CDH6: variants seen among roughly 807,000 people sequenced by gnomAD.
CDH6 encodes the protein cadherin 6.
A neutral mutation model predicts 78.0 loss-of-function variants in CDH6; 31 were observed. The observed-to-expected ratio is 0.40, with a 90% CI of 0.30 to 0.54. CDH6 has a LOEUF of 0.54. CDH6 is among the 20% of genes least tolerant of loss of function. The probability of loss-of-function intolerance (pLI) is 0.56; values close to 1 mark genes in which losing one functional copy is unlikely to be tolerated. For missense variants in CDH6, 724 were observed against 975.9 expected, an observed-to-expected ratio of 0.74 and a Z score of 3.44; for synonymous variants, 376 against 368.8, an observed-to-expected ratio of 1.02 and a Z score of -0.23.
chr5:31,289,100 G>C (rs910058252), intron 2 of CDH6, among the ~76,000 whole-genome samples: 5 of 152,156 alleles, frequency 3.3e-5, no homozygotes. Flanking sequence ...GTACCCAGTA[G>C]GTGATTTTTC....
At chr5:31,248,138 G>A (rs10472187) in intron 1 of CDH6, among the ~76,000 whole-genome samples, 11,485 of 152,192 alleles carry the variant, frequency 0.075, 830 homozygotes, top group African/African-American at 0.18. Flanking sequence ...ACTCTGGCCA[G>A]GAAAGCTTTC....
At chr5:31,215,339 A>C (rs1740834076) in intron 1 of CDH6, among the ~76,000 whole-genome samples, 1 of 152,194 alleles carries the variant, frequency 6.6e-6, no homozygotes, top group South Asian at 2.1e-4. Context: ...CTGTGAAGGT[A>C]ATAGGTTTAG....
chr5:31,318,363 T>C (rs952058801), intron 11 of CDH6: 19 of 300,362 alleles, frequency 6.3e-5, no homozygotes, highest in African/African-American at 4.0e-4. Flanking sequence ...TGATGACTTT[T>C]CTCTCATCCT....
intron 1 of CDH6, among the ~76,000 whole-genome samples, chr5:31,201,137 T>C (rs1740338803): frequency 6.6e-6 from 1 of 152,174 alleles, no homozygotes; most frequent in South Asian, 2.1e-4. Flanking sequence ...AAATAAAGAA[T>C]ATTATTATTT....
At chr5:31,202,502 TG>T (rs1383500151) in intron 1 of CDH6, among the ~76,000 whole-genome samples, 1 of 151,908 alleles carries the variant, frequency 6.6e-6, no homozygotes, top group Non-Finnish European at 1.5e-5. Context: ...CCAGATATGG[TG>T]GCAGGCACCT....
At chr5:31,216,360 T>C (rs557472109) in intron 1 of CDH6, among the ~76,000 whole-genome samples, 1 of 152,226 alleles carries the variant, frequency 6.6e-6, no homozygotes, top group East Asian at 1.9e-4. Context: ...GCCTGCAGGC[T>C]GAAAATGGTT....
Position 31,329,113 on chromosome 5 carries a change from TATG to T in CDH6, c.*5808_*5810del, listed in dbSNP as rs1398030627. 1.3e-4 allele frequency: 26 copies of T among 194,240 alleles called. No homozygotes were observed. The highest frequency in any genetic ancestry group is 5.6e-4 in the African/African-American group (24 of 43,122). The allele number at this position is 194,240 out of a possible 1,614,324, so 12.0% of individuals were successfully genotyped here. On this transcript the variant is annotated 3_prime_UTR_variant, in exon 12 of 12. Transcript: ENST00000265071. ...ATCAATTTTTGTAACAAGTTATTTA[TATG>T]ATATTACTTAATAAACTGGTTTTTT...
At chr5:31,248,935 C>T (rs1426030256) in intron 1 of CDH6, among the ~76,000 whole-genome samples, 1 of 152,086 alleles carries the variant, frequency 6.6e-6, no homozygotes, top group Non-Finnish European at 1.5e-5. Flanking sequence ...CCCTTCATCC[C>T]CTCAATAAGA....
intron 1 of CDH6, among the ~76,000 whole-genome samples, chr5:31,209,840 T>C (rs1011980520): frequency 6.6e-6 from 1 of 152,144 alleles, no homozygotes; most frequent in Non-Finnish European, 1.5e-5. Context: ...GTGATTTGCC[T>C]CAGAGTCGAA....
At chr5:31,209,833 A>G (rs2111800268) in intron 1 of CDH6, among the ~76,000 whole-genome samples, 1 of 152,206 alleles carries the variant, frequency 6.6e-6, no homozygotes, top group Admixed American at 6.5e-5. Flanking sequence ...TCACCTGGTG[A>G]TTTGCCTCAG....
At chr5:31,253,837 T>TA (rs1741978012) in intron 1 of CDH6, among the ~76,000 whole-genome samples, 1 of 151,954 alleles carries the variant, frequency 6.6e-6, no homozygotes, top group Admixed American at 6.6e-5. Context: ...TTTTTTTTTT[T>TA]AGAAGCGAAT....
At position 31,262,425 on chromosome 5, in the gene CDH6, C is replaced by T. The variant is rs571955416; in HGVS notation, c.-128-4921C>T. Among the ~76,000 whole-genome samples the T allele has an allele frequency of 1.4e-3, 219 of 152,256 alleles. 1 individual carries two copies. Among genetic ancestry groups the T allele is most frequent in the African/African-American group, 5.2e-3 (216 of 41,550 alleles). On this transcript the variant is annotated intron_variant, in intron 1 of 11. Transcript: ENST00000265071. ...CATATCAAATTTCCGAGCATACAAA[C>T]GATTCCCTGTAGAAAATAGAAAGTT... is the stretch of plus-strand genomic sequence containing the variant.
At chr5:31,257,823 C>T (rs1742097493) in intron 1 of CDH6, among the ~76,000 whole-genome samples, 1 of 152,124 alleles carries the variant, frequency 6.6e-6, no homozygotes, top group African/African-American at 2.4e-5. Flanking sequence ...CAAATTTTGT[C>T]TGAAATGAGA....
intron 6 of CDH6, among the ~76,000 whole-genome samples, chr5:31,303,713 T>C (rs1015576995): frequency 6.6e-6 from 1 of 152,212 alleles, no homozygotes; most frequent in African/African-American, 2.4e-5. Context: ...ACTATAATCT[T>C]TTCTGGTAAA....
intron 11 of CDH6, among the ~76,000 whole-genome samples, chr5:31,320,074 G>A (rs2149961193): frequency 6.6e-6 from 1 of 152,256 alleles, no homozygotes; most frequent in East Asian, 1.9e-4. Flanking sequence ...GCTTCAAAAG[G>A]GTAAGGGAAA....
chr5:31,288,580 A>T (rs1052031858), intron 2 of CDH6, among the ~76,000 whole-genome samples: 3 of 152,214 alleles, frequency 2.0e-5, no homozygotes, highest in Non-Finnish European at 4.4e-5. Flanking sequence ...CTATACGTAT[A>T]CATAGATATT....
rs1738676153 is a variant in CDH6, at chr5:31,329,069, GTAAA to G, written c.*5764_*5767del. The G allele has an allele frequency of 4.9e-6, 1 of 204,618 alleles. No homozygotes were observed. The highest frequency in any genetic ancestry group is 6.0e-5 in the Admixed American group (1 of 16,738). 12.7% of individuals were successfully genotyped at this position (204,618 alleles called of 1,614,324 possible). The stretch of plus-strand genomic sequence containing the variant: ...TTTAAAAAGTGATTTCTCACAAAGA[GTAAA>G]TATGCCTTTTGCAAATCAATTTTTG... On this transcript the variant is annotated 3_prime_UTR_variant, in exon 12 of 12. Transcript: ENST00000265071.
intron 2 of CDH6, among the ~76,000 whole-genome samples, chr5:31,284,672 G>A (rs1344739244): frequency 6.6e-6 from 1 of 152,238 alleles, no homozygotes; most frequent in African/African-American, 2.4e-5. Flanking sequence ...AGGGCAGTAT[G>A]TGATGCCAGT....
At chr5:31,284,311 G>C (rs922057018) in intron 2 of CDH6, among the ~76,000 whole-genome samples, 9 of 152,192 alleles carry the variant, frequency 5.9e-5, no homozygotes, top group Admixed American at 5.9e-4. Flanking sequence ...ATCTACTGAA[G>C]TTTGTATGGT....
Sources: gnomAD v4.1 joint callset for allele counts (sites outside exome capture counted in the v4.1 genomes callset) on GRCh38, gnomAD v4.1.1 for gene constraint, MANE v1.5 for transcripts, NCBI Gene and HGNC (gene_info 2026-07-23, HGNC 2026-07-21) for gene names.